Variants in ALG1L2 observed in about 807,000 individuals in gnomAD.
The protein encoded by ALG1L2 is ALG1 chitobiosyldiphosphodolichol beta-mannosyltransferase like 2, also known as putative glycosyltransferase ALG1L2.
In ALG1L2, 32 loss-of-function variants were observed where a neutral mutation model predicts 29.0. The ratio of observed to expected loss-of-function variants is 1.10; its 90% CI spans 0.83 to 1.48. The LOEUF is 1.48. Ranked by LOEUF, ALG1L2 falls within the 40% of genes most tolerant of loss-of-function variation. The pLI is 0.00. For synonymous variants in ALG1L2, 110 were observed against 109.5 expected (o/e 1.00, Z -0.03); for missense variants, 318 against 274.1 (o/e 1.16, Z -1.13).
chr3:130,096,213 G>A (rs764641607), intron 6 of ALG1L2, 50 bp downstream of exon 6: 8 of 1,591,280 alleles, frequency 5.0e-6, no homozygotes, highest in Non-Finnish European at 6.9e-6. Flanking sequence ...CAGATCCACC[G>A]CTGAGGGGGA....
At chr3:130,091,231 T>C (rs1048001564) in intron 1 of ALG1L2, 30 bp from the exon 2 acceptor site, 6 of 1,590,630 alleles carry the variant, frequency 3.8e-6, no homozygotes, top group Non-Finnish European at 3.4e-6. Context: ...GCTGGACTAA[T>C]GCAATAGCCC....
intron 1 of ALG1L2, among the ~76,000 whole-genome samples, chr3:130,082,421 T>G (rs796850800): frequency 0.22 from 13,452 of 60,282 alleles, 246 homozygotes; most frequent in Middle Eastern, 0.39. Context: ...TACTGCGACC[T>G]CCACCTCCCA....
At chr3:130,086,918 G>A (rs1934901402) in intron 1 of ALG1L2, among the ~76,000 whole-genome samples, 2 of 151,434 alleles carry the variant, frequency 1.3e-5, no homozygotes, top group Admixed American at 6.6e-5. Flanking sequence ...TCATCCTAAT[G>A]CCAGGAGCAA....
At chr3:130,097,685 G>T (rs1935173259) in intron 7 of ALG1L2, among the ~76,000 whole-genome samples, 1 of 152,188 alleles carries the variant, frequency 6.6e-6, no homozygotes, top group African/African-American at 2.4e-5. Flanking sequence ...TTTCAGTAAA[G>T]GTCCAGGTCA....
chr3:130,088,473 A>G (rs769264783), intron 1 of ALG1L2, among the ~76,000 whole-genome samples: 7 of 152,300 alleles, frequency 4.6e-5, no homozygotes, highest in Non-Finnish European at 8.8e-5. Flanking sequence ...GCTGGAGTGC[A>G]GTGGCTTGAT....
At chr3:130,088,347 G>A (rs189099736) in intron 1 of ALG1L2, among the ~76,000 whole-genome samples, 378 of 152,384 alleles carry the variant, frequency 2.5e-3, no homozygotes, top group African/African-American at 8.9e-3. Flanking sequence ...CCTAGTGGGA[G>A]GTAACTAAAT....
chr3:130,097,991 G>T (rs1935180664), intron 7 of ALG1L2, among the ~76,000 whole-genome samples: 1 of 152,222 alleles, frequency 6.6e-6, no homozygotes, highest in Admixed American at 6.5e-5. Context: ...ATCATGTAGA[G>T]GCCGGAAGGT....
chr3:130,084,597 G>A (rs1469814150), intron 1 of ALG1L2, among the ~76,000 whole-genome samples: 1 of 131,556 alleles, frequency 7.6e-6, no homozygotes, highest in Non-Finnish European at 1.8e-5. Context: ...GTTTATACGG[G>A]AAGGGCTCAG....
chr3:130,096,792 G>A (rs1935145631), intron 6 of ALG1L2, among the ~76,000 whole-genome samples: 1 of 152,194 alleles, frequency 6.6e-6, no homozygotes, highest in Admixed American at 6.5e-5. Context: ...GGGAATGTCG[G>A]GATCAAATCT....
intron 1 of ALG1L2, among the ~76,000 whole-genome samples, chr3:130,084,217 T>A (rs114273582): frequency 0.037 from 5,429 of 148,362 alleles, 27 homozygotes; most frequent in East Asian, 0.14. Context: ...TCCCAGCTAC[T>A]CAGGCTGAGA....
rs549033648 is a variant in ALG1L2, at chr3:130,095,932, G to A, written c.425-117G>A. The A allele has an allele frequency of 1.5e-5, 16 of 1,100,426 alleles. No individual in the cohort carries two copies. In the South Asian group the frequency reaches 2.2e-4, roughly 15 times the overall value. The allele number at this position is 1,100,426 out of a possible 1,614,324, so 68.2% of individuals were successfully genotyped here. The stretch of plus-strand genomic sequence containing the variant: ...GCTTAAGCCACTTGTGGTTGGGGAT[G>A]TCGGGGGCCTTATCCAATTTTCACT... On this transcript the variant is annotated intron_variant, in intron 5 of 7. Coordinates refer to ENST00000425059, the MANE Select transcript of ALG1L2 (RefSeq NM_001136152.1).
intron 1 of ALG1L2, among the ~76,000 whole-genome samples, chr3:130,083,739 A>C (rs1934834032): frequency 1.5e-5 from 2 of 136,838 alleles, no homozygotes; most frequent in Non-Finnish European, 3.4e-5. Context: ...AGAAGAAAGA[A>C]AATGCTTTAT....
At position 130,083,356 on chromosome 3, in the gene ALG1L2, A is replaced by AT. The variant is rs533573059; in HGVS notation, c.20+1321dup. Among the ~76,000 whole-genome samples the AT allele has an allele frequency of 1.2e-4, 15 of 129,756 alleles. 2 individuals carry two copies. The East Asian group carries it at 3.1e-3, about 27-fold the overall frequency. 85.1% of individuals were successfully genotyped at this position (129,756 alleles called of 152,430 possible). A position where few individuals can be genotyped will look rare whatever the true frequency, so the allele number is the denominator to read the frequency against. ...CTACTCAGGAGGCTAAGGCAGGAGA[A>AT]TGGTCTGAACCCGGGAGGCAGAGGT... On this transcript the variant is annotated intron_variant, in intron 1 of 7. Coordinates refer to ENST00000425059, the MANE Select transcript of ALG1L2 (RefSeq NM_001136152.1).
intron 1 of ALG1L2, among the ~76,000 whole-genome samples, chr3:130,083,120 G>A (rs1577323722): frequency 7.6e-6 from 1 of 132,038 alleles, no homozygotes; most frequent in East Asian, 2.1e-4. Context: ...GAGAGTGGTG[G>A]TAGATTGTAT....
chr3:130,096,011 G>A (rs767666160), intron 5 of ALG1L2, 38 bp from the exon 6 acceptor site: 2 of 1,578,060 alleles, frequency 1.3e-6, no homozygotes, highest in African/African-American at 1.4e-5. Context: ...TCCCGGGGCA[G>A]AGACCAGCGC....
In ALG1L2 at chr3:130,081,986, C is replaced by T. The variant is rs1559783399; in HGVS notation, c.-31C>T. 10 of 1,468,220 alleles carry T rather than the reference C, an allele frequency of 6.8e-6. No homozygotes were observed. In the East Asian group the frequency reaches 1.7e-4, roughly 25 times the overall value. The allele number at this position is 1,468,220 out of a possible 1,614,324, so 90.9% of individuals were successfully genotyped here. On this transcript the variant is annotated 5_prime_UTR_variant, in exon 1 of 8. Coordinates refer to ENST00000425059, the MANE Select transcript of ALG1L2 (RefSeq NM_001136152.1). ...GGCTGGAGAAATAAGCAGTTCCTTG[C>T]TAAGAAGTCTGAATTTTAACCTGAA...
At position 130,084,774 on chromosome 3, in the gene ALG1L2, C is replaced by T. The variant is rs142458189; in HGVS notation, c.20+2738C>T. 1.7e-4 allele frequency among the ~76,000 whole-genome samples: 22 copies of T among 126,846 alleles called. 5 individuals are homozygous for T. Among genetic ancestry groups the T allele is most frequent in the Non-Finnish European group, 2.2e-4 (12 of 55,126 alleles). The allele number at this position is 126,846 out of a possible 152,430, so 83.2% of individuals were successfully genotyped here. ...GGATGCTAGGGGAAGGATCTCCCTC[C>T]CAGCTTCTGCCAACTCCTTATCTTG... On this transcript the variant is annotated intron_variant, in intron 1 of 7. Coordinates refer to ENST00000425059, the MANE Select transcript of ALG1L2 (RefSeq NM_001136152.1).
At chr3:130,085,783 A>G (rs1416071673) in intron 1 of ALG1L2, among the ~76,000 whole-genome samples, 1 of 149,154 alleles carries the variant, frequency 6.7e-6, no homozygotes, top group African/African-American at 2.4e-5. Flanking sequence ...CTTCAAAGGT[A>G]TGAGGCAGAG....
At chr3:130,094,031 C>T (rs1041680631) in intron 4 of ALG1L2, 23 of 280,632 alleles carry the variant, frequency 8.2e-5, no homozygotes, top group African/African-American at 4.0e-4. Flanking sequence ...TTGGAACCTG[C>T]GCCCTGTGGT....
Sources: gnomAD v4.1 joint callset for allele counts (sites outside exome capture counted in the v4.1 genomes callset) on GRCh38, gnomAD v4.1.1 for gene constraint, MANE v1.5 for transcripts, NCBI Gene and HGNC (gene_info 2026-07-23, HGNC 2026-07-21) for gene names.